NFAT5: variants seen among roughly 807,000 people sequenced by gnomAD.
NFAT5 encodes the protein nuclear factor of activated T cells 5, also known as nuclear factor of activated T-cells 5.
Under a neutral mutation model 166.5 loss-of-function variants are expected in NFAT5, and 31 were observed. That is an observed-to-expected ratio of 0.19 (90% CI 0.14 to 0.25). NFAT5 has a LOEUF of 0.25. NFAT5 is among the 10% of genes least tolerant of loss of function. The pLI is 1.00. For synonymous variants in NFAT5, 612 were observed against 639.7 expected (o/e 0.96, Z 0.65); for missense variants, 1,449 against 1,821.8 (o/e 0.80, Z 3.72).
intron 3 of NFAT5, among the ~76,000 whole-genome samples, chr16:69,637,227 A>G (rs1401956697): frequency 6.6e-6 from 1 of 152,234 alleles, no homozygotes; most frequent in Non-Finnish European, 1.5e-5. Context: ...CTTATTGTCC[A>G]TATCGCTATC....
At position 69,669,991 on chromosome 16, in the gene NFAT5, G is replaced by C; in HGVS notation, c.1384G>C (p.Val462Leu). 6.2e-7 allele frequency: 1 copy of C among 1,603,718 alleles called. No homozygotes were observed. Among genetic ancestry groups the C allele is most frequent in the Non-Finnish European group, 8.5e-7 (1 of 1,177,268 alleles). ...SPILCTQPAGVPEILKKSLHS... is the reference protein window; with the variant it reads ...SPILCTQPAGLPEILKKSLHS... Reference sequence around the variant, plus strand: ...TATCTCCACAGCTCAGCCAGCAGGAGTGCCAGAAATCTTAAAGAAAAGCTT... The same window carrying C: ...TATCTCCACAGCTCAGCCAGCAGGACTGCCAGAAATCTTAAAGAAAAGCTT... Residue 462 changes from valine to leucine, a missense_variant, in exon 8 of 15, where the codon GTG becomes CTG. Val to Leu is a conservative substitution (Grantham distance 32). Around this residue, in one of 7 missense-constraint regions of NFAT5, gnomAD observed 245 missense variants for 366.6 expected, o/e 0.67. Transcript: ENST00000349945.
chr16:69,688,756 C>A (rs2037430650), intron 11 of NFAT5, among the ~76,000 whole-genome samples: 1 of 152,190 alleles, frequency 6.6e-6, no homozygotes, highest in Non-Finnish European at 1.5e-5. Context: ...TTTCTTCATT[C>A]ATTCAGCAAA....
At chr16:69,567,250 A>G (rs1158519663) in intron 1 of NFAT5, among the ~76,000 whole-genome samples, 1 of 152,194 alleles carries the variant, frequency 6.6e-6, no homozygotes, top group Admixed American at 6.5e-5. Flanking sequence ...TCTTTTGGCT[A>G]AGGCCTGCAG....
At chr16:69,625,121 C>T (rs1276267990) in intron 2 of NFAT5, among the ~76,000 whole-genome samples, 2 of 151,770 alleles carry the variant, frequency 1.3e-5, no homozygotes, top group Admixed American at 6.6e-5. Flanking sequence ...AGGCTGGTCT[C>T]GAACTCCTGA....
Position 69,647,736 on chromosome 16 carries a change from T to C in NFAT5, c.812+150T>C, listed in dbSNP as rs1052055580. The C allele has an allele frequency of 1.2e-5, 8 of 664,798 alleles. No individual in the cohort carries two copies. The highest frequency in any genetic ancestry group is 1.8e-5 in the African/African-American group (1 of 54,994). 41.2% of individuals were successfully genotyped at this position (664,798 alleles called of 1,614,324 possible). A position where few individuals can be genotyped will look rare whatever the true frequency, so the allele number is the denominator to read the frequency against. On this transcript the variant is annotated intron_variant, in intron 4 of 14. Transcript: ENST00000349945. This position sits in a 1 kb window ranked among gnomAD's most constrained non-coding sequence, Gnocchi z 4.8. ...ATTGAAATACATGAAAATTTTAACT[T>C]AAAATTACCAACTTTTACTAGATAG...
At chr16:69,651,553 AGAG>A (rs774712931) in intron 4 of NFAT5, among the ~76,000 whole-genome samples, 30 of 152,244 alleles carry the variant, frequency 2.0e-4, no homozygotes, top group Non-Finnish European at 3.5e-4. Flanking sequence ...GGTTGCTTTT[AGAG>A]GAGATTTTTC....
intron 3 of NFAT5, among the ~76,000 whole-genome samples, chr16:69,636,496 C>A (rs902206060): frequency 1.3e-5 from 2 of 152,218 alleles, no homozygotes; most frequent in South Asian, 4.1e-4. Flanking sequence ...GAGGGCCCCA[C>A]CCCTGCAGAA....
In NFAT5 at chr16:69,692,042, A is replaced by T; in HGVS notation, c.2217A>T (p.Ile739=). The part of the protein sequence containing the change: ...FQTRETQSRE[I]LQSDGTVVNL... The stretch of plus-strand genomic sequence containing the variant: ...CAAGAGAAACTCAGTCTAGAGAGAT[A>T]TTACAGTCAGATGGTACAGTGGTTA... The change falls in exon 13 of 15, where the codon ATA becomes ATT. Residue 739 remains isoleucine, a synonymous_variant. Transcript: ENST00000349945. The T allele has an allele frequency of 6.2e-7, 1 of 1,614,192 alleles. No homozygotes were observed. Among genetic ancestry groups the T allele is most frequent in the East Asian group, 2.2e-5 (1 of 44,890 alleles).
At position 69,676,434 on chromosome 16, in the gene NFAT5, G is replaced by A. The variant is rs190418440; in HGVS notation, c.1558-769G>A. On this transcript the variant is annotated intron_variant, in intron 9 of 14. Coordinates refer to ENST00000349945, the MANE Select transcript of NFAT5 (RefSeq NM_138713.4). ...TGAGAATTATGTTGTTAGGAGTAGC[G>A]AACTGCATTGTGAAATACATCTCAC... 4.5e-4 allele frequency among the ~76,000 whole-genome samples: 69 copies of A among 152,316 alleles called. 1 individual carries two copies. The highest frequency in any genetic ancestry group is 1.5e-3 in the African/African-American group (62 of 41,570).
In NFAT5 at chr16:69,691,923, G is replaced by A; in HGVS notation, c.2098G>A (p.Asp700Asn). Residue 700 changes from aspartate (D) to asparagine (N), a missense_variant, in exon 13 of 15, where the codon GAC becomes AAC. Physicochemically the swap from Asp to Asn is conservative, Grantham distance 23. Transcript: ENST00000349945. ...PETLTTIQTQ[D>N]ISQPGTFPAV... Reference sequence around the variant, plus strand: ...GACCCTGACAACTATTCAAACCCAGGACATCTCACAGCCTGGTACTTTTCC... The same window carrying A: ...GACCCTGACAACTATTCAAACCCAGAACATCTCACAGCCTGGTACTTTTCC... The A allele has an allele frequency of 1.9e-6, 3 of 1,614,032 alleles. No homozygotes were observed. The highest frequency in any genetic ancestry group is 2.5e-6 in the Non-Finnish European group (3 of 1,180,006).
chr16:69,635,307 G>A (rs1319763435), intron 3 of NFAT5, among the ~76,000 whole-genome samples: 1 of 152,050 alleles, frequency 6.6e-6, no homozygotes, highest in Non-Finnish European at 1.5e-5. Flanking sequence ...CACCATGCCT[G>A]GCCATTAGTA....
chr16:69,614,496 T>G (rs1164788838), intron 2 of NFAT5, among the ~76,000 whole-genome samples: 1 of 152,246 alleles, frequency 6.6e-6, no homozygotes, highest in Non-Finnish European at 1.5e-5. Context: ...TATGCCTGAA[T>G]GCACTTTTTG....
At chr16:69,631,314 C>T (rs931654062) in intron 3 of NFAT5, among the ~76,000 whole-genome samples, 3 of 152,012 alleles carry the variant, frequency 2.0e-5, no homozygotes, top group Non-Finnish European at 4.4e-5. Context: ...TTCTGTAATC[C>T]CAGCTACTTG....
intron 2 of NFAT5, among the ~76,000 whole-genome samples, chr16:69,588,966 C>T (rs2032276510): frequency 1.4e-5 from 2 of 142,206 alleles, no homozygotes; most frequent in Non-Finnish European, 3.1e-5. Flanking sequence ...ACCCTCCCTC[C>T]TCTTTTCCTA....
chr16:69,627,451 A>G (rs997719406), intron 3 of NFAT5, among the ~76,000 whole-genome samples: 3 of 151,084 alleles, frequency 2.0e-5, no homozygotes, highest in Non-Finnish European at 4.4e-5. Flanking sequence ...TTTAAAAATG[A>G]TATTTAAAGT....
In NFAT5 at chr16:69,692,962, A is replaced by G; in HGVS notation, c.3137A>G (p.Lys1046Arg). 1 of 1,614,190 alleles carries G rather than the reference A, an allele frequency of 6.2e-7. No homozygotes were observed. Among genetic ancestry groups the G allele is most frequent in the South Asian group, 1.1e-5 (1 of 91,082 alleles). The stretch of plus-strand genomic sequence containing the variant: ...CAAGTTAACCTTTTTTCATCCACAA[A>G]AAGTATGATGAGTGTTCAGAATAGT... The part of the protein sequence containing the change: ...QPQVNLFSST[K>R]SMMSVQNSGT... Residue 1046 changes from lysine (K) to arginine (R), a missense_variant, in exon 13 of 15, where the codon AAA becomes AGA. Around this residue, in one of 7 missense-constraint regions of NFAT5, gnomAD observed 891 missense variants for 993.0 expected, o/e 0.90. Transcript: ENST00000349945.
intron 3 of NFAT5, among the ~76,000 whole-genome samples, chr16:69,635,544 A>T (rs185331818): frequency 8.5e-5 from 13 of 152,076 alleles, no homozygotes; most frequent in African/African-American, 1.4e-4. Flanking sequence ...CACACTGCTG[A>T]TAAAGACATA....
At chr16:69,634,612 T>C (rs866559522) in intron 3 of NFAT5, among the ~76,000 whole-genome samples, 44 of 152,302 alleles carry the variant, frequency 2.9e-4, no homozygotes, top group Admixed American at 3.9e-4. Flanking sequence ...CAGGGTATTA[T>C]CATCAACTAA....
At chr16:69,605,608 T>C (rs1402717213) in intron 2 of NFAT5, among the ~76,000 whole-genome samples, 11 of 152,232 alleles carry the variant, frequency 7.2e-5, no homozygotes, top group Admixed American at 7.2e-4. Flanking sequence ...TATCTGATTT[T>C]GGAGAAATCC....
Sources: gnomAD v4.1 joint callset for allele counts (sites outside exome capture counted in the v4.1 genomes callset) on GRCh38, gnomAD v4.1.1 for gene constraint, gnomAD v4.1.1 regional missense constraint, Gnocchi (gnomAD v3.1) non-coding constraint, MANE v1.5 for transcripts, NCBI Gene and HGNC (gene_info 2026-07-23, HGNC 2026-07-21) for gene names.